The following TBL1X variants were observed in gnomAD, a reference collection of about 807,000 sequenced individuals.
TBL1X encodes F-box-like/WD repeat-containing protein TBL1X.
Under a neutral mutation model 50.7 loss-of-function variants are expected in TBL1X, and 10 were observed. That is an observed-to-expected ratio of 0.20 (90% CI 0.12 to 0.33). The LOEUF is 0.33. Among genes scored for constraint, TBL1X ranks in the 10% least tolerant of loss-of-function variants. The probability of loss-of-function intolerance (pLI) is 1.00; values close to 1 mark genes in which losing one functional copy is unlikely to be tolerated. For synonymous variants in TBL1X, 190 were observed against 214.7 expected (o/e 0.88, Z 1.01); for missense variants, 340 against 504.4 (o/e 0.67, Z 3.12).
chrX:9,702,685 G>T (rs1381833414), intron 12 of TBL1X, among the ~76,000 whole-genome samples: 1 of 111,217 alleles, frequency 9.0e-6, no homozygotes, highest in Admixed American at 9.6e-5. Flanking sequence ...CCAGAGCCTG[G>T]CAGAAGCTAA....
intron 2 of TBL1X, among the ~76,000 whole-genome samples, chrX:9,596,505 G>A (rs2082527132): frequency 9.0e-6 from 1 of 110,999 alleles, no homozygotes; most frequent in African/African-American, 3.3e-5. Context: ...TCTGGTGGGT[G>A]GAGACCAGGG....
chrX:9,467,476 C>T (rs1056486698), intron 1 of TBL1X, among the ~76,000 whole-genome samples: 2 of 112,153 alleles, frequency 1.8e-5, no homozygotes, highest in Non-Finnish European at 3.8e-5. Context: ...TTCCTGATGC[C>T]TTGGATTTGC....
chrX:9,546,858 G>T (rs1195264093), intron 2 of TBL1X, among the ~76,000 whole-genome samples: 1 of 77,736 alleles, frequency 1.3e-5, no homozygotes, highest in African/African-American at 5.1e-5. Flanking sequence ...TCGCTCTGTC[G>T]CCCAGGCTGG....
At chrX:9,638,594 A>G (rs1049201180) in intron 2 of TBL1X, among the ~76,000 whole-genome samples, 1 of 112,374 alleles carries the variant, frequency 8.9e-6, no homozygotes, top group African/African-American at 3.2e-5. Context: ...TCAAATTTCA[A>G]GACTCTCATT....
intron 2 of TBL1X, among the ~76,000 whole-genome samples, chrX:9,580,454 T>C (rs2082434854): frequency 8.9e-6 from 1 of 111,997 alleles, no homozygotes; most frequent in South Asian, 3.8e-4. Context: ...AGTTTCTGAT[T>C]AGCGTCTCCA....
At chrX:9,684,598 T>TAAAAAA (rs3043994) in intron 6 of TBL1X, among the ~76,000 whole-genome samples, 673 of 51,251 alleles carry the variant, frequency 0.013, 33 homozygotes, top group African/African-American at 0.051. Context: ...TCTCTAAAAT[T>TAAAAAA]AAAAAAAAAA....
At chrX:9,610,189 T>C (rs1942299753) in intron 2 of TBL1X, among the ~76,000 whole-genome samples, 1 of 112,345 alleles carries the variant, frequency 8.9e-6, no homozygotes, top group Admixed American at 9.4e-5. Context: ...TGAAGGGCCC[T>C]GGTTGTGTAC....
intron 1 of TBL1X, among the ~76,000 whole-genome samples, chrX:9,482,404 T>C (rs1293910330): frequency 1.8e-5 from 2 of 112,199 alleles, no homozygotes; most frequent in South Asian, 3.7e-4. Context: ...CCTCCTGATA[T>C]GGGAAACAGC....
intron 12 of TBL1X, among the ~76,000 whole-genome samples, chrX:9,701,958 C>T (rs113543534): frequency 1.8e-5 from 2 of 111,859 alleles, no homozygotes; most frequent in African/African-American, 6.5e-5. Context: ...CCGCGTCCTC[C>T]CACCCACACC....
rs761428403 is a variant in TBL1X at position 9,561,777 on chromosome X, A to G, written c.-131+59928A>G. On this transcript the variant is annotated intron_variant, in intron 2 of 17. Coordinates refer to ENST00000645353, the MANE Select transcript of TBL1X (RefSeq NM_005647.4). The stretch of plus-strand genomic sequence containing the variant: ...ATAGACATTGGTGACCTAGGTTTTC[A>G]GATACTTATGTAAGTGAATAGTTGA... 2.1e-3 allele frequency among the ~76,000 whole-genome samples: 232 copies of G among 112,175 alleles called. 3 individuals carry two copies. The highest frequency in any genetic ancestry group is 7.6e-4 in the Admixed American group (8 of 10,582).
At chrX:9,692,628 G>A (rs763443476) in intron 9 of TBL1X, among the ~76,000 whole-genome samples, 5 of 112,376 alleles carry the variant, frequency 4.4e-5, no homozygotes, top group African/African-American at 6.5e-5. Flanking sequence ...GGCTGCTCTC[G>A]CACTCCTGAC....
chrX:9,709,530 A>G (rs769219781), intron 14 of TBL1X, 103 bp from the exon 15 acceptor site: 9 of 1,126,569 alleles, frequency 8.0e-6, no homozygotes, highest in Non-Finnish European at 1.1e-5. Context: ...TGCACCCTCC[A>G]CCCTGCCCTG....
At chrX:9,647,108 C>CT (rs2082808776) in intron 3 of TBL1X, among the ~76,000 whole-genome samples, 1 of 111,829 alleles carries the variant, frequency 8.9e-6, no homozygotes, top group Non-Finnish European at 1.9e-5. Context: ...AAATGAAACT[C>CT]TTAAACAGCC....
intron 2 of TBL1X, among the ~76,000 whole-genome samples, chrX:9,564,500 C>T (rs780647055): frequency 9.1e-5 from 10 of 109,650 alleles, no homozygotes; most frequent in Non-Finnish European, 1.7e-4. Context: ...TTGGGGGGGC[C>T]CAGGTGGACA....
rs2081764945 is a variant in TBL1X at position 9,465,386 on chromosome X, A to C, written c.-262A>C. Reference sequence around the variant, plus strand: ...CCGGGACTCGGAGGCTGCCGGCTGGAGGGAGGTTCGGAGCGCGGCCGGGCG... The same window carrying C: ...CCGGGACTCGGAGGCTGCCGGCTGGCGGGAGGTTCGGAGCGCGGCCGGGCG... On this transcript the variant is annotated 5_prime_UTR_variant, in exon 1 of 18. Coordinates refer to ENST00000645353, the MANE Select transcript of TBL1X (RefSeq NM_005647.4). The C allele has an allele frequency of 9.2e-6, 1 of 108,368 alleles. No homozygotes were observed. Among genetic ancestry groups the C allele is most frequent in the African/African-American group, 3.3e-5 (1 of 30,030 alleles). The allele number at this position is 108,368 out of a possible 1,213,427, so 8.9% of individuals were successfully genotyped here. A position where few individuals can be genotyped will look rare whatever the true frequency, so the allele number is the denominator to read the frequency against.
chrX:9,473,773 C>T (rs2081832319), intron 1 of TBL1X, among the ~76,000 whole-genome samples: 1 of 112,131 alleles, frequency 8.9e-6, no homozygotes, highest in Admixed American at 9.5e-5. Context: ...CAACTTCAGC[C>T]ATTTCCAGGG....
intron 5 of TBL1X, among the ~76,000 whole-genome samples, chrX:9,672,898 A>AT (rs918264626): frequency 3.6e-5 from 4 of 112,162 alleles, no homozygotes; most frequent in Admixed American, 2.8e-4. Context: ...AACAACAGAG[A>AT]TTTTTTTCTC....
intron 7 of TBL1X, among the ~76,000 whole-genome samples, chrX:9,690,213 CTG>C (rs1480030379): frequency 8.9e-6 from 1 of 112,314 alleles, no homozygotes; most frequent in Non-Finnish European, 1.9e-5. Context: ...CATGCAGTCT[CTG>C]TCACAGCTGC....
chrX:9,482,462 T>C (rs930953840), intron 1 of TBL1X, among the ~76,000 whole-genome samples: 3 of 112,240 alleles, frequency 2.7e-5, no homozygotes, highest in Middle Eastern at 4.6e-3. Flanking sequence ...TAAAAAGATA[T>C]GGGACAATAT....
Sources: allele counts gnomAD v4.1 joint callset (sites outside exome capture counted in the v4.1 genomes callset), GRCh38; gene constraint gnomAD v4.1.1; transcripts MANE v1.5; gene names NCBI Gene and HGNC (gene_info 2026-07-23, HGNC 2026-07-21).